The following SLC49A4 variants were observed in gnomAD, a reference collection of about 807,000 sequenced individuals.
SLC49A4 encodes disrupted in renal cancer protein 2.
Under a neutral mutation model 50.6 loss-of-function variants are expected in SLC49A4, and 36 were observed. The ratio of observed to expected loss-of-function variants is 0.71; its 90% CI spans 0.55 to 0.94. The LOEUF is 0.94. SLC49A4 is among the 40% of genes least tolerant of loss of function. The pLI, the probability that SLC49A4 is intolerant of heterozygous loss-of-function variation, is 0.00. For synonymous variants in SLC49A4, 248 were observed against 241.2 expected, an observed-to-expected ratio of 1.03 and a Z score of -0.26; for missense variants, 503 against 605.7, an observed-to-expected ratio of 0.83 and a Z score of 1.78.
intron 4 of SLC49A4, among the ~76,000 whole-genome samples, chr3:122,835,570 A>G (rs576437143): frequency 6.6e-6 from 1 of 152,230 alleles, no homozygotes; most frequent in African/African-American, 2.4e-5. Flanking sequence ...ATGATAAAAA[A>G]AAAACCCTCA....
chr3:122,810,173 C>G (rs1473094121), intron 2 of SLC49A4, among the ~76,000 whole-genome samples: 1 of 152,138 alleles, frequency 6.6e-6, no homozygotes, highest in Admixed American at 6.5e-5. Flanking sequence ...TCTTAGCTCC[C>G]TTAAGTATCA....
intron 5 of SLC49A4, among the ~76,000 whole-genome samples, chr3:122,855,563 A>G (rs1576307669): frequency 6.6e-6 from 1 of 152,220 alleles, no homozygotes; most frequent in African/African-American, 2.4e-5. Context: ...TTAAAGATAC[A>G]GGAGTGATGA....
chr3:122,847,650 T>C (rs1424198446), intron 5 of SLC49A4, among the ~76,000 whole-genome samples: 1 of 151,980 alleles, frequency 6.6e-6, no homozygotes, highest in Non-Finnish European at 1.5e-5. Context: ...TGGCCCAGTA[T>C]ACAATTTAAA....
intron 2 of SLC49A4, 57 bp downstream of exon 2, chr3:122,807,007 T>G (rs559186371): frequency 9.4e-7 from 1 of 1,064,916 alleles, no homozygotes; most frequent in African/African-American, 1.6e-5. Context: ...GTGTATAAAT[T>G]TTTAAGAAGA....
At chr3:122,870,787 C>G (rs1232143707) in intron 7 of SLC49A4, among the ~76,000 whole-genome samples, 1 of 151,188 alleles carries the variant, frequency 6.6e-6, no homozygotes, top group Non-Finnish European at 1.5e-5. Context: ...GCACTTTAGC[C>G]TGGGCAACAG....
At chr3:122,824,253 C>T (rs1387448226) in intron 2 of SLC49A4, among the ~76,000 whole-genome samples, 1 of 152,206 alleles carries the variant, frequency 6.6e-6, no homozygotes, top group South Asian at 2.1e-4. Flanking sequence ...AGATTGGCCT[C>T]CCAAGTTCAA....
intron 8 of SLC49A4, among the ~76,000 whole-genome samples, chr3:122,877,415 T>G (rs1026579402): frequency 1.3e-5 from 2 of 152,218 alleles, no homozygotes; most frequent in African/African-American, 2.4e-5. Flanking sequence ...TGAGACGTTT[T>G]TAGAGATTTC....
chr3:122,803,881 T>A (rs1193010109), intron 1 of SLC49A4, among the ~76,000 whole-genome samples: 1 of 152,240 alleles, frequency 6.6e-6, no homozygotes, highest in Admixed American at 6.5e-5. Flanking sequence ...ATATTTTTAT[T>A]TTCAATGATG....
At chr3:122,812,541 T>C (rs1576292875) in intron 2 of SLC49A4, among the ~76,000 whole-genome samples, 1 of 152,296 alleles carries the variant, frequency 6.6e-6, no homozygotes, top group South Asian at 2.1e-4. Context: ...CAGTCCCACT[T>C]AGTTAGGCTC....
At chr3:122,874,933 T>A (rs1284513773) in intron 8 of SLC49A4, among the ~76,000 whole-genome samples, 1 of 152,232 alleles carries the variant, frequency 6.6e-6, no homozygotes, top group Non-Finnish European at 1.5e-5. Flanking sequence ...TAGTCTTCCA[T>A]TGTAAAGAAA....
intron 7 of SLC49A4, among the ~76,000 whole-genome samples, chr3:122,865,462 C>T (rs1347588379): frequency 2.0e-5 from 3 of 151,682 alleles, no homozygotes; most frequent in African/African-American, 7.3e-5. Flanking sequence ...CCACAGCAGT[C>T]ACTTTTTTTT....
chr3:122,802,903 A>G (rs1039972330), intron 1 of SLC49A4, among the ~76,000 whole-genome samples: 2 of 152,192 alleles, frequency 1.3e-5, no homozygotes, highest in African/African-American at 2.4e-5. Flanking sequence ...AACAAAAAAC[A>G]TGAGTATCGG....
Position 122,795,394 on chromosome 3 carries a change from G to A in SLC49A4, c.202G>A (p.Val68Ile), listed in dbSNP as rs1305133705. 6.2e-7 allele frequency: 1 copy of A among 1,606,826 alleles called. No individual in the cohort carries two copies. The highest frequency in any genetic ancestry group is 1.3e-5 in the African/African-American group (1 of 74,800). ...FSLLAFVQGL[V>I]WNTWGPIQNS... ...GCTGCTGGCGTTCGTTCAGGGCCTG[G>A]TCTGGAACACCTGGGGTCCCATCCA... The change falls in exon 1 of 9, where the codon GTC becomes ATC. Residue 68 changes from valine (V) to isoleucine (I), a missense_variant. By Grantham distance (29) the Val-to-Ile change is conservative. Coordinates refer to ENST00000261038, the MANE Select transcript of SLC49A4 (RefSeq NM_032839.3).
intron 4 of SLC49A4, among the ~76,000 whole-genome samples, chr3:122,834,117 A>G (rs546958851): frequency 1.1e-4 from 17 of 152,040 alleles, no homozygotes; most frequent in Non-Finnish European, 2.4e-4. Context: ...GTCATTTGAA[A>G]TTTTTTCACA....
intron 2 of SLC49A4, 27 bp from the exon 3 acceptor site, chr3:122,826,773 C>T (rs1284064235): frequency 2.5e-6 from 4 of 1,607,586 alleles, no homozygotes; most frequent in Non-Finnish European, 3.4e-6. Flanking sequence ...TCAAATACCT[C>T]ACAGCCTTTT....
intron 2 of SLC49A4, among the ~76,000 whole-genome samples, chr3:122,813,020 C>T (rs574219371): frequency 3.9e-5 from 6 of 152,152 alleles, no homozygotes; most frequent in East Asian, 3.9e-4. Flanking sequence ...GAGGTCAAGG[C>T]GGGCGGATCA....
At chr3:122,821,196 T>G (rs1936447234) in intron 2 of SLC49A4, among the ~76,000 whole-genome samples, 1 of 152,202 alleles carries the variant, frequency 6.6e-6, no homozygotes, top group South Asian at 2.1e-4. Flanking sequence ...TAAACTTCTT[T>G]TTCTTTATAA....
chr3:122,829,391 A>C (rs1936580249), intron 3 of SLC49A4, among the ~76,000 whole-genome samples: 1 of 152,240 alleles, frequency 6.6e-6, no homozygotes, highest in Non-Finnish European at 1.5e-5. Context: ...CCTTTCAATG[A>C]ACTGGAAACA....
rs750767237 is a variant in SLC49A4, at chr3:122,826,887, T to G, written c.525T>G (p.Ser175=). 1 of 1,614,238 alleles carries G rather than the reference T, an allele frequency of 6.2e-7. No homozygotes were observed. Among genetic ancestry groups the G allele is most frequent in the South Asian group, 1.1e-5 (1 of 91,090 alleles). ...CATTTCTCTCTACGACGTGGTTTTC[T>G]GCAGATGAAAGGGCCACAGCCACAG... ...AAPFLSTTWF[S]ADERATATAI... The change falls in exon 3 of 9, where the codon TCT becomes TCG. Residue 175 remains serine (S), a synonymous_variant. Transcript: ENST00000261038.
Sources: allele counts gnomAD v4.1 joint callset (sites outside exome capture counted in the v4.1 genomes callset), GRCh38; gene constraint gnomAD v4.1.1; transcripts MANE v1.5; gene names NCBI Gene and HGNC (gene_info 2026-07-23, HGNC 2026-07-21).